Variants in C13orf46 observed in about 807,000 individuals in gnomAD.
C13orf46 encodes uncharacterized protein C13orf46.
the C13orf46 span, among the ~76,000 whole-genome samples, chr13:113,937,555 A>G: frequency 6.6e-6 from 1 of 152,080 alleles, no homozygotes; most frequent in African/African-American, 2.4e-5. Context: ...TCAATTTAGG[A>G]AGTTTATTTT....
chr13:113,963,991 C>T (rs1163135693), intron 6 of C13orf46, among the ~76,000 whole-genome samples: 1 of 152,178 alleles, frequency 6.6e-6, no homozygotes, highest in Non-Finnish European at 1.5e-5. Flanking sequence ...GCTGGAACTA[C>T]AGGCACCTGT....
chr13:113,930,991 C>T, the C13orf46 span, among the ~76,000 whole-genome samples: 8 of 152,186 alleles, frequency 5.3e-5, no homozygotes, highest in Non-Finnish European at 7.4e-5. Context: ...GAGAGGGAGC[C>T]GGCTGGGGTG....
the C13orf46 span, among the ~76,000 whole-genome samples, chr13:113,938,077 C>G: frequency 6.6e-6 from 1 of 152,182 alleles, no homozygotes; most frequent in Non-Finnish European, 1.5e-5. Context: ...CTCTTAGGCT[C>G]AGCGATCTGG....
intron 1 of C13orf46, among the ~76,000 whole-genome samples, chr13:113,972,534 G>GC (rs2052719025): frequency 6.6e-6 from 1 of 152,162 alleles, no homozygotes; most frequent in Non-Finnish European, 1.5e-5. Flanking sequence ...CTCCGTGTCA[G>GC]CCCCTCAGCC....
chr13:113,931,644 A>G, the C13orf46 span, among the ~76,000 whole-genome samples: 21 of 152,080 alleles, frequency 1.4e-4, no homozygotes, highest in African/African-American at 4.8e-4. Context: ...GTTAGGGTTC[A>G]CTCCTTGTCC....
the C13orf46 span, among the ~76,000 whole-genome samples, chr13:113,940,293 GC>G: frequency 1.3e-5 from 2 of 152,364 alleles, no homozygotes; most frequent in East Asian, 3.9e-4. Context: ...CTGCCGCCAA[GC>G]CCCCCACCCC....
At chr13:113,963,454 T>TC (rs1188714958) in intron 6 of C13orf46, among the ~76,000 whole-genome samples, 5,081 of 104,322 alleles carry the variant, frequency 0.049, 684 homozygotes, top group Non-Finnish European at 0.074. Context: ...GCCCCTGTCC[T>TC]CAGCTTCACC....
downstream of C13orf46, among the ~76,000 whole-genome samples, chr13:113,950,914 C>A (rs1466205527): frequency 6.6e-6 from 1 of 152,234 alleles, no homozygotes; most frequent in African/African-American, 2.4e-5. Flanking sequence ...TTCCCCGGGG[C>A]CCCGGGATGT....
At chr13:113,947,735 C>T in the C13orf46 span, among the ~76,000 whole-genome samples, 1 of 152,212 alleles carries the variant, frequency 6.6e-6, no homozygotes, top group South Asian at 2.1e-4. Context: ...AGGTCCCGGA[C>T]ACACAGCCAA....
chr13:113,943,121 C>T, the C13orf46 span, among the ~76,000 whole-genome samples: 3 of 152,186 alleles, frequency 2.0e-5, no homozygotes, highest in South Asian at 2.1e-4. Flanking sequence ...CGGGGTCAGA[C>T]AGCAGCGTTG....
chr13:113,942,933 C>T, the C13orf46 span, among the ~76,000 whole-genome samples: 3 of 152,216 alleles, frequency 2.0e-5, no homozygotes, highest in East Asian at 3.9e-4. Flanking sequence ...GTGCCCCTCA[C>T]GAGCACTGCA....
At chr13:113,948,300 A>G in the C13orf46 span, among the ~76,000 whole-genome samples, 1 of 152,232 alleles carries the variant, frequency 6.6e-6, no homozygotes, top group Non-Finnish European at 1.5e-5. Context: ...AAGCCCAGTG[A>G]CTGGGGAGGC....
chr13:113,945,539 G>GTCAAAGAAAGAAGAAAGAA, the C13orf46 span, among the ~76,000 whole-genome samples: 2 of 73,600 alleles, frequency 2.7e-5, no homozygotes, highest in African/African-American at 9.9e-5. Context: ...GCGAGAATCT[G>GTCAAAGAAAGAAGAAAGAA]AGAAAGAAAG....
chr13:113,966,812 CATG>C lies in C13orf46; in HGVS notation c.504+526_504+528del, dbSNP rs1301818579. ...GGTGGTGATGATGATGATGATACCC[CATG>C]ATGATGATGATAAGCTTTCCTGGGT... is the stretch of plus-strand genomic sequence containing the variant. On this transcript the variant is annotated intron_variant, in intron 5 of 6. Coordinates refer to ENST00000636427, the MANE Select transcript of C13orf46 (RefSeq NM_001365455.2). Among the ~76,000 whole-genome samples, 393 of 152,024 alleles carry C rather than the reference CATG, an allele frequency of 2.6e-3. 2 individuals are homozygous for C. The highest frequency in any genetic ancestry group is 4.6e-3 in the Admixed American group (71 of 15,270).
chr13:113,934,239 T>G, the C13orf46 span, among the ~76,000 whole-genome samples: 1 of 152,264 alleles, frequency 6.6e-6, no homozygotes, highest in Admixed American at 6.5e-5. Context: ...ACGCACCTGC[T>G]GACAGACAAT....
intron 6 of C13orf46, among the ~76,000 whole-genome samples, chr13:113,962,596 T>C (rs1156856596): frequency 2.6e-5 from 4 of 152,040 alleles, no homozygotes; most frequent in Non-Finnish European, 5.9e-5. Context: ...AAGGGGGAAT[T>C]TGTGAGATGA....
chr13:113,949,833 C>T (rs1002415879), downstream of C13orf46, among the ~76,000 whole-genome samples: 27 of 151,632 alleles, frequency 1.8e-4, no homozygotes, highest in Admixed American at 1.6e-3. Context: ...CTTGGTGCTC[C>T]CATCTGTAGA....
At chr13:113,963,701 G>GCCTCAA (rs2052611548) in intron 6 of C13orf46, among the ~76,000 whole-genome samples, 2 of 152,132 alleles carry the variant, frequency 1.3e-5, no homozygotes, top group Non-Finnish European at 2.9e-5. Context: ...CTCAGCCTCA[G>GCCTCAA]CTGCAGCCAC....
chr13:113,957,620 A>G (rs1234083318), intron 6 of C13orf46, among the ~76,000 whole-genome samples: 1 of 88,886 alleles, frequency 1.1e-5, no homozygotes, highest in East Asian at 3.5e-4. Flanking sequence ...CATCAAGCAC[A>G]CTGGGGGTCT....
Sources: gnomAD v4.1 joint callset for allele counts (sites outside exome capture counted in the v4.1 genomes callset) on GRCh38, gnomAD v4.1.1 for gene constraint, MANE v1.5 for transcripts, NCBI Gene and HGNC (gene_info 2026-07-23, HGNC 2026-07-21) for gene names.